Variants in QSOX1 observed in about 807,000 individuals in gnomAD.
QSOX1 encodes quiescin sulfhydryl oxidase 1.
In QSOX1, 40 loss-of-function variants were observed where a neutral mutation model predicts 76.1. That is an observed-to-expected ratio of 0.53 (90% CI 0.41 to 0.68). The LOEUF (loss-of-function observed/expected upper bound fraction) is 0.68. QSOX1 is among the 30% of genes least tolerant of loss of function. The pLI, the probability that QSOX1 is intolerant of heterozygous loss-of-function variation, is 0.00. For synonymous variants in QSOX1, 392 were observed against 413.1 expected (o/e 0.95, Z 0.62); for missense variants, 931 against 974.3 (o/e 0.96, Z 0.59).
chr1:180,197,706 TTGG>T lies in QSOX1; in HGVS notation c.*673_*675del, dbSNP rs1482976738. 3.1e-6 allele frequency: 1 copy of T among 320,052 alleles called. No individual in the cohort carries two copies. The highest frequency in any genetic ancestry group is 2.1e-5 in the African/African-American group (1 of 47,034). 19.8% of individuals were successfully genotyped at this position (320,052 alleles called of 1,614,324 possible). ...GGCTTGCTTGGTGGGACCTGACGAG[TTGG>T]TGGCATGGGAAGGATGTGGGTCTCT... On this transcript the variant is annotated 3_prime_UTR_variant, in exon 12 of 12. Coordinates refer to ENST00000367602, the MANE Select transcript of QSOX1 (RefSeq NM_002826.5).
chr1:180,182,234 G>T lies in QSOX1; in HGVS notation c.667G>T (p.Ala223Ser). The T allele has an allele frequency of 1.2e-6, 2 of 1,614,214 alleles. No homozygotes were observed. The highest frequency in any genetic ancestry group is 1.7e-6 in the Non-Finnish European group (2 of 1,180,040). Residue 223 changes from alanine (A) to serine (S), a missense_variant, in exon 6 of 12, where the codon GCC (alanine) becomes TCC (serine). Ala to Ser is a moderately conservative substitution (Grantham distance 99). Transcript: ENST00000367602. ...GGTGCGCAGGGTGCTGAACACAGAG[G>T]CCAATGTGGTGAGAAAGTTTGGTGT... ...VAVRRVLNTE[A>S]NVVRKFGVTD...
chr1:180,186,329 A>G (rs113276668), intron 8 of QSOX1, 147 bp downstream of exon 8: 9 of 1,127,374 alleles, frequency 8.0e-6, no homozygotes, highest in Admixed American at 2.7e-5. Flanking sequence ...CCTGTCCACC[A>G]TAGGTGATAC....
chr1:180,190,968 G>T (rs1663293720), intron 10 of QSOX1, among the ~76,000 whole-genome samples: 1 of 152,152 alleles, frequency 6.6e-6, no homozygotes. Context: ...AGTTTACATA[G>T]CTGATACATA....
intron 2 of QSOX1, among the ~76,000 whole-genome samples, chr1:180,172,504 G>A (rs1662785906): frequency 6.6e-6 from 1 of 152,114 alleles, no homozygotes; most frequent in East Asian, 1.9e-4. Context: ...CAGGGATCTT[G>A]AGGGGTTGCC....
At position 180,197,513 on chromosome 1, in the gene QSOX1, T is replaced by G; in HGVS notation, c.*476T>G. 1.9e-6 allele frequency: 2 copies of G among 1,067,958 alleles called. No homozygotes were observed. The highest frequency in any genetic ancestry group is 2.7e-6 in the Non-Finnish European group (2 of 734,436). The allele number at this position is 1,067,958 out of a possible 1,614,324, so 66.2% of individuals were successfully genotyped here. ...TCCCTTCCGGACAATGAAGAAGCCT[T>G]TGCACCCTGGGAGGAAGGACCACCC... On this transcript the variant is annotated 3_prime_UTR_variant, in exon 12 of 12. Transcript: ENST00000367602.
rs375407780 is a variant in QSOX1, at chr1:180,166,514, G to T, written c.289G>T (p.Ala97Ser). ...VKAWRPALYL[A>S]ALDCAEETNS... The stretch of plus-strand genomic sequence containing the variant: ...AGCCTGGAGGCCGGCCCTGTATCTC[G>T]CCGCCCTGGACTGTGCTGAGGAGAC... The change falls in exon 2 of 12, where the codon GCC becomes TCC. Residue 97 changes from alanine (A) to serine (S), a missense_variant. By Grantham distance (99) the Ala-to-Ser change is moderately conservative. Coordinates refer to ENST00000367602, the MANE Select transcript of QSOX1 (RefSeq NM_002826.5). The T allele has an allele frequency of 1.9e-6, 3 of 1,613,962 alleles. No individual in the cohort carries two copies. Among genetic ancestry groups the T allele is most frequent in the Admixed American group, 1.7e-5 (1 of 60,012 alleles).
rs927442829 is a variant in QSOX1, at chr1:180,166,706, G to A, written c.366+115G>A. 9 of 1,027,832 alleles carry A rather than the reference G, an allele frequency of 8.8e-6. No homozygotes were observed. In the Admixed American group the frequency reaches 1.6e-4, roughly 18 times the overall value. 63.7% of individuals were successfully genotyped at this position (1,027,832 alleles called of 1,614,324 possible). ...GCAGATTTCAGCTGCTCTGATTTGA[G>A]CTGGGAGGTGATCATCACTTGGGCT... On this transcript the variant is annotated intron_variant, in intron 2 of 11. Transcript: ENST00000367602.
chr1:180,182,505 C>T (rs904669191), intron 6 of QSOX1, among the ~76,000 whole-genome samples, 186 bp downstream of exon 6: 4 of 152,158 alleles, frequency 2.6e-5, no homozygotes, highest in Non-Finnish European at 4.4e-5. Context: ...GGGCCTGAAA[C>T]GCTAACCCTG....
chr1:180,175,243 G>C, intron 2 of QSOX1, 78 bp from the exon 3 acceptor site: 1 of 1,388,458 alleles, frequency 7.2e-7, no homozygotes, highest in Non-Finnish European at 1.0e-6. Context: ...TAAGTAGGCA[G>C]ATTTTCAGAG....
intron 5 of QSOX1, 50 bp downstream of exon 5, chr1:180,178,934 A>G: frequency 6.5e-7 from 1 of 1,535,774 alleles, no homozygotes; most frequent in Non-Finnish European, 9.0e-7. Context: ...ATGGAGAGAG[A>G]GCCCCAGTTT....
At chr1:180,187,692 G>A (rs1000200653) in intron 8 of QSOX1, among the ~76,000 whole-genome samples, 1 of 152,268 alleles carries the variant, frequency 6.6e-6, no homozygotes, top group Admixed American at 6.5e-5. Context: ...CTGAGTCTCT[G>A]CCTTCAGCAA....
intron 4 of QSOX1, among the ~76,000 whole-genome samples, chr1:180,176,415 G>A (rs1324413019): frequency 6.6e-6 from 1 of 152,240 alleles, no homozygotes; most frequent in Non-Finnish European, 1.5e-5. Context: ...TCCCCGGGAA[G>A]GCCACTGAGA....
chr1:180,172,231 C>T (rs1003901086), intron 2 of QSOX1, among the ~76,000 whole-genome samples: 1 of 152,078 alleles, frequency 6.6e-6, no homozygotes, highest in African/African-American at 2.4e-5. Context: ...CCTAGTTGGG[C>T]GGCTGTAGTA....
At chr1:180,188,151 G>T (rs532891491) in intron 8 of QSOX1, among the ~76,000 whole-genome samples, 112 of 152,244 alleles carry the variant, frequency 7.4e-4, no homozygotes, top group African/African-American at 2.5e-3. Context: ...ACACCCACTC[G>T]CATCCAGCCC....
At chr1:180,175,003 A>C (rs545001216) in intron 2 of QSOX1, among the ~76,000 whole-genome samples, 41 of 152,114 alleles carry the variant, frequency 2.7e-4, no homozygotes, top group African/African-American at 9.6e-4. Context: ...TACACACAAA[A>C]AAAATTAGTC....
Position 180,176,026 on chromosome 1 carries a change from C to T in QSOX1, c.508C>T (p.Pro170Ser). 1 of 1,591,198 alleles carries T rather than the reference C, an allele frequency of 6.3e-7. No homozygotes were observed. The highest frequency in any genetic ancestry group is 8.6e-7 in the Non-Finnish European group (1 of 1,169,018). ...GCCCCCAGCCTGTCCCCCACTGGAG[C>T]CTGCCAAGTACTTTGGGCTGGGGCA... ...TWPPACPPLE[P>S]AKLEEIDGFF... The change falls in exon 4 of 12, where the codon CCT (proline) becomes TCT (serine). Residue 170 changes from proline (P) to serine (S), a missense_variant. By Grantham distance (74) the Pro-to-Ser change is moderately conservative. Coordinates refer to ENST00000367602, the MANE Select transcript of QSOX1 (RefSeq NM_002826.5).
Position 180,197,182 on chromosome 1 carries a change from C to A in QSOX1, c.*145C>A. On this transcript the variant is annotated 3_prime_UTR_variant, in exon 12 of 12. Coordinates refer to ENST00000367602, the MANE Select transcript of QSOX1 (RefSeq NM_002826.5). ...AGGAAAACGAGTTGCTCCAGTGAAG[C>A]TTCTTGGGGTTGCTAGGACAGAGAG... 6.5e-7 allele frequency: 1 copy of A among 1,530,520 alleles called. No homozygotes were observed. The highest frequency in any genetic ancestry group is 2.1e-5 in the Admixed American group (1 of 48,598). 94.8% of individuals were successfully genotyped at this position (1,530,520 alleles called of 1,614,324 possible).
chr1:180,190,173 C>T (rs1407324832), intron 9 of QSOX1, among the ~76,000 whole-genome samples: 3 of 152,172 alleles, frequency 2.0e-5, no homozygotes, highest in South Asian at 4.1e-4. Flanking sequence ...TGTCAAATCT[C>T]GAAGGGACCT....
At chr1:180,186,268 C>T (rs759790306) in intron 8 of QSOX1, 86 bp downstream of exon 8, 4 of 1,524,052 alleles carry the variant, frequency 2.6e-6, no homozygotes, top group Non-Finnish European at 3.5e-6. Context: ...CCCGTCAGCC[C>T]CTCCCTCCAG....
Sources: gnomAD v4.1 joint callset for allele counts (sites outside exome capture counted in the v4.1 genomes callset) on GRCh38, gnomAD v4.1.1 for gene constraint, MANE v1.5 for transcripts, NCBI Gene and HGNC (gene_info 2026-07-23, HGNC 2026-07-21) for gene names.